The following TMEM132D variants were observed in gnomAD, a reference collection of about 807,000 sequenced individuals.
TMEM132D encodes mature OL transmembrane protein.
Under a neutral mutation model 62.3 loss-of-function variants are expected in TMEM132D, and 21 were observed. The observed-to-expected ratio is 0.34, with a 90% CI of 0.24 to 0.49. The LOEUF (loss-of-function observed/expected upper bound fraction) is 0.49, where lower values mean the gene tolerates loss of function less well. Ranked by LOEUF, TMEM132D falls within the 20% of genes least tolerant of loss-of-function variation. The probability of loss-of-function intolerance (pLI) is 0.99; values close to 1 mark genes in which losing one functional copy is unlikely to be tolerated. For missense variants in TMEM132D, 1,346 were observed against 1,402.8 expected (o/e 0.96, Z 0.65); for synonymous variants, 621 against 575.6 (o/e 1.08, Z -1.13).
intron 1 of TMEM132D, among the ~76,000 whole-genome samples, chr12:129,864,712 G>A (rs1281855439): frequency 2.6e-5 from 4 of 152,182 alleles, no homozygotes; most frequent in Non-Finnish European, 5.9e-5. Flanking sequence ...ATTCTTACTT[G>A]TTTGGGCCAA....
At chr12:129,104,008 C>A (rs1875403091) in intron 5 of TMEM132D, among the ~76,000 whole-genome samples, 1 of 152,058 alleles carries the variant, frequency 6.6e-6, no homozygotes, top group Non-Finnish European at 1.5e-5. Flanking sequence ...ATCAAGCTAC[C>A]AATGCCTTTC....
At chr12:129,084,199 A>G (rs1874540056) in intron 6 of TMEM132D, among the ~76,000 whole-genome samples, 3 of 152,096 alleles carry the variant, frequency 2.0e-5, no homozygotes, top group African/African-American at 7.2e-5. Flanking sequence ...GTAACTAGAT[A>G]AGGGAGGCCA....
chr12:129,133,625 G>C (rs906706042), intron 5 of TMEM132D, among the ~76,000 whole-genome samples: 1 of 152,194 alleles, frequency 6.6e-6, no homozygotes, highest in Non-Finnish European at 1.5e-5. Flanking sequence ...TTATGATGGT[G>C]GTGGTGGACA....
At chr12:129,189,594 G>A (rs2135555411) in intron 5 of TMEM132D, among the ~76,000 whole-genome samples, 1 of 152,284 alleles carries the variant, frequency 6.6e-6, no homozygotes, top group South Asian at 2.1e-4. Context: ...CCATCCGGAG[G>A]AAGGCTGGGA....
intron 3 of TMEM132D, among the ~76,000 whole-genome samples, chr12:129,424,673 A>G (rs1313020520): frequency 4.8e-5 from 6 of 124,586 alleles, no homozygotes; most frequent in South Asian, 2.7e-4. Context: ...ACGCCACTAC[A>G]CTCCAGCCTG....
At chr12:129,712,160 T>C (rs1035386146) in intron 1 of TMEM132D, among the ~76,000 whole-genome samples, 2 of 152,180 alleles carry the variant, frequency 1.3e-5, no homozygotes, top group African/African-American at 2.4e-5. Flanking sequence ...AGTCTCACTC[T>C]GTCACCCAGA....
chr12:129,186,733 C>T (rs976823353), intron 5 of TMEM132D, among the ~76,000 whole-genome samples: 5 of 152,112 alleles, frequency 3.3e-5, no homozygotes, highest in Admixed American at 2.6e-4. Flanking sequence ...TCCAACAGTG[C>T]CAGGATCAGA....
At chr12:129,356,613 T>C (rs1034554980) in intron 3 of TMEM132D, among the ~76,000 whole-genome samples, 6 of 148,498 alleles carry the variant, frequency 4.0e-5, no homozygotes, top group African/African-American at 1.2e-4. Flanking sequence ...ACCCCAGGAG[T>C]TGGAGACTAT....
In TMEM132D at chr12:129,072,660, C is replaced by T. The variant is rs1874110466; in HGVS notation, c.*1215G>A. 1 of 152,518 alleles carries T rather than the reference C, an allele frequency of 6.6e-6. No individual in the cohort carries two copies. The highest frequency in any genetic ancestry group is 2.4e-5 in the African/African-American group (1 of 41,422). The allele number at this position is 152,518 out of a possible 1,614,324, so 9.4% of individuals were successfully genotyped here. On this transcript the variant is annotated 3_prime_UTR_variant, in exon 9 of 9. Coordinates refer to ENST00000422113, the MANE Select transcript of TMEM132D (RefSeq NM_133448.3). Reference sequence around the variant, plus strand: ...GCTGGGCTTCCTGCTGGATCCACCACTTTCACACCCAGAACCCCCCCAACT... The same window carrying T: ...GCTGGGCTTCCTGCTGGATCCACCATTTTCACACCCAGAACCCCCCCAACT...
chr12:129,716,886 C>T (rs1868598724), intron 1 of TMEM132D, among the ~76,000 whole-genome samples: 1 of 152,190 alleles, frequency 6.6e-6, no homozygotes, highest in South Asian at 2.1e-4. Flanking sequence ...TATAAACGAA[C>T]AGTGGCACCC....
At chr12:129,306,358 G>A (rs888049822) in intron 4 of TMEM132D, among the ~76,000 whole-genome samples, 2 of 152,120 alleles carry the variant, frequency 1.3e-5, no homozygotes, top group East Asian at 1.9e-4. Flanking sequence ...GCTAAAAAGA[G>A]GTCTGAAGAC....
chr12:129,164,778 T>G (rs1877492040), intron 5 of TMEM132D, among the ~76,000 whole-genome samples: 1 of 152,150 alleles, frequency 6.6e-6, no homozygotes, highest in South Asian at 2.1e-4. Context: ...CATAATTCAA[T>G]TACCTCCACC....
At chr12:129,677,721 G>A (rs1298043463) in intron 2 of TMEM132D, among the ~76,000 whole-genome samples, 1 of 152,068 alleles carries the variant, frequency 6.6e-6, no homozygotes, top group South Asian at 2.1e-4. Flanking sequence ...TTAGCACCCA[G>A]GTGAGAACTA....
chr12:129,204,935 T>C (rs569945597), intron 5 of TMEM132D, among the ~76,000 whole-genome samples: 1 of 152,032 alleles, frequency 6.6e-6, no homozygotes, highest in South Asian at 2.1e-4. Flanking sequence ...GCTTCATAAG[T>C]GAAGGAGAAA....
intron 1 of TMEM132D, among the ~76,000 whole-genome samples, chr12:129,782,736 T>G (rs534737734): frequency 6.6e-6 from 1 of 152,190 alleles, no homozygotes; most frequent in African/African-American, 2.4e-5. Flanking sequence ...CACACAGGTG[T>G]ATTCCTGATA....
chr12:129,608,910 A>G (rs1878695470), intron 2 of TMEM132D, among the ~76,000 whole-genome samples: 1 of 150,778 alleles, frequency 6.6e-6, no homozygotes, highest in Non-Finnish European at 1.5e-5. Flanking sequence ...CCAGCTTAGT[A>G]GGTCTGGGCT....
intron 3 of TMEM132D, among the ~76,000 whole-genome samples, chr12:129,400,844 T>C (rs1374288827): frequency 1.3e-5 from 2 of 152,250 alleles, no homozygotes; most frequent in African/African-American, 4.8e-5. Context: ...AATATCTTGG[T>C]GTGAAAAATG....
chr12:129,330,358 C>T (rs906176737), intron 4 of TMEM132D, among the ~76,000 whole-genome samples: 3 of 152,116 alleles, frequency 2.0e-5, no homozygotes, highest in Non-Finnish European at 4.4e-5. Flanking sequence ...GGAGATTGGA[C>T]AGGTTTAGGT....
At chr12:129,384,357 A>G (rs1871044035) in intron 3 of TMEM132D, among the ~76,000 whole-genome samples, 1 of 152,200 alleles carries the variant, frequency 6.6e-6, no homozygotes, top group Admixed American at 6.5e-5. Flanking sequence ...GTAAATCACA[A>G]AAGACAAAAT....
Sources: allele counts gnomAD v4.1 joint callset (sites outside exome capture counted in the v4.1 genomes callset), GRCh38; gene constraint gnomAD v4.1.1; transcripts MANE v1.5; gene names NCBI Gene and HGNC (gene_info 2026-07-23, HGNC 2026-07-21).